Variants in PIK3C2G observed in about 807,000 individuals in gnomAD.
PIK3C2G encodes the protein phosphatidylinositol 3-kinase C2 domain-containing subunit gamma.
Under a neutral mutation model 181.1 loss-of-function variants are expected in PIK3C2G, and 168 were observed. The observed-to-expected ratio is 0.93, with a 90% CI of 0.82 to 1.05. The LOEUF is 1.05. Among genes scored for constraint, PIK3C2G ranks in the 50% least tolerant of loss-of-function variants. The pLI, the probability that PIK3C2G is intolerant of heterozygous loss-of-function variation, is 0.00. For synonymous variants in PIK3C2G, 573 were observed against 592.2 expected (o/e 0.97, Z 0.47); for missense variants, 1,869 against 1,732.8 (o/e 1.08, Z -1.40).
chr12:18,595,076 G>A (rs73068310), intron 30 of PIK3C2G, among the ~76,000 whole-genome samples: 5,246 of 151,822 alleles, frequency 0.035, 95 homozygotes, highest in Middle Eastern at 0.071. Flanking sequence ...TTAGATTATC[G>A]GCTACATATT....
At chr12:18,487,975 G>A (rs1940215943) in intron 18 of PIK3C2G, among the ~76,000 whole-genome samples, 4 of 152,116 alleles carry the variant, frequency 2.6e-5, no homozygotes, top group African/African-American at 9.7e-5. Flanking sequence ...AGGTAGTCCA[G>A]GGGAGGTGCT....
At chr12:18,269,635 CACAGTCAAATACTCATAAAA>C (rs1948659723) in intron 1 of PIK3C2G, among the ~76,000 whole-genome samples, 1 of 152,116 alleles carries the variant, frequency 6.6e-6, no homozygotes, top group African/African-American at 2.4e-5. Context: ...TACTTCCATT[CACAGTCAAATACTCATAAAA>C]ACAAGGGTAA....
At chr12:18,474,215 GAAGTT>G (rs1938744093) in intron 18 of PIK3C2G, among the ~76,000 whole-genome samples, 1 of 152,108 alleles carries the variant, frequency 6.6e-6, no homozygotes, top group Non-Finnish European at 1.5e-5. Flanking sequence ...GAGATTCAGA[GAAGTT>G]AAGTCAGGGG....
At chr12:18,459,148 G>C (rs779773088) in intron 18 of PIK3C2G, among the ~76,000 whole-genome samples, 1 of 152,110 alleles carries the variant, frequency 6.6e-6, no homozygotes, top group Non-Finnish European at 1.5e-5. Context: ...AAAGAAGCCC[G>C]AGGAAAGAGA....
At chr12:18,474,980 A>G (rs1938825432) in intron 18 of PIK3C2G, among the ~76,000 whole-genome samples, 3 of 152,126 alleles carry the variant, frequency 2.0e-5, no homozygotes. Context: ...AGAGACAGAG[A>G]AGAGTCTCAT....
chr12:18,572,665 T>TGTACC (rs1946018391), intron 29 of PIK3C2G, among the ~76,000 whole-genome samples: 1 of 151,938 alleles, frequency 6.6e-6, no homozygotes, highest in Non-Finnish European at 1.5e-5. Flanking sequence ...TGACTTCAAA[T>TGTACC]ATTGCTTGTA....
the PIK3C2G span, among the ~76,000 whole-genome samples, chr12:18,683,914 T>C: frequency 1.1e-4 from 16 of 151,992 alleles, no homozygotes; most frequent in African/African-American, 3.9e-4. Context: ...GCCAAGTTTG[T>C]CTAATTAGCC....
chr12:18,694,975 C>G, the PIK3C2G span: 5 of 1,608,696 alleles, frequency 3.1e-6, no homozygotes, highest in Non-Finnish European at 4.3e-6. Flanking sequence ...GATTTACTCT[C>G]TCTTAAGAAA....
chr12:18,406,834 G>A (rs964522578), intron 16 of PIK3C2G, among the ~76,000 whole-genome samples: 13 of 152,134 alleles, frequency 8.5e-5, no homozygotes, highest in African/African-American at 2.9e-4. Flanking sequence ...GGAAATTTCA[G>A]TATTCCCTAT....
intron 31 of PIK3C2G, among the ~76,000 whole-genome samples, chr12:18,625,803 T>A (rs2136692320): frequency 6.6e-6 from 1 of 152,028 alleles, no homozygotes; most frequent in South Asian, 2.1e-4. Flanking sequence ...GTTTTTTATT[T>A]AAAGTCTATT....
chr12:18,633,419 A>T (rs56084040), intron 31 of PIK3C2G, among the ~76,000 whole-genome samples: 5,521 of 152,294 alleles, frequency 0.036, 103 homozygotes, highest in Middle Eastern at 0.061. Context: ...CGTAGTTGGT[A>T]TTTATAACTA....
chr12:18,655,253 G>A, the PIK3C2G span, among the ~76,000 whole-genome samples: 1 of 152,154 alleles, frequency 6.6e-6, no homozygotes, highest in Non-Finnish European at 1.5e-5. Context: ...CCTGCTTCCA[G>A]TGGTCCTCCA....
chr12:18,636,004 A>G (rs1042011760), intron 31 of PIK3C2G, among the ~76,000 whole-genome samples: 1 of 152,186 alleles, frequency 6.6e-6, no homozygotes, highest in African/African-American at 2.4e-5. Flanking sequence ...AGTCCTTTGA[A>G]GTTTAGTCAG....
intron 6 of PIK3C2G, among the ~76,000 whole-genome samples, chr12:18,317,224 G>C (rs1316959008): frequency 6.6e-6 from 1 of 151,768 alleles, no homozygotes; most frequent in Non-Finnish European, 1.5e-5. Context: ...TGTTGGTTAG[G>C]CTGGTCTCAA....
chr12:18,602,347 C>T (rs776936312), intron 30 of PIK3C2G, among the ~76,000 whole-genome samples: 5 of 151,866 alleles, frequency 3.3e-5, no homozygotes, highest in African/African-American at 7.3e-5. Flanking sequence ...CGGGACCTCA[C>T]GCCCACCCCC....
the PIK3C2G span, among the ~76,000 whole-genome samples, chr12:18,667,966 CA>C: frequency 7.2e-5 from 11 of 151,872 alleles, no homozygotes; most frequent in African/African-American, 2.7e-4. Flanking sequence ...TGAGGAGAAG[CA>C]ACAACAACAA....
intron 26 of PIK3C2G, among the ~76,000 whole-genome samples, chr12:18,559,817 TATATAGAGAGAGAGAG>T (rs1438325448): frequency 3.6e-4 from 8 of 22,168 alleles, no homozygotes; most frequent in African/African-American, 4.8e-4. Context: ...TATATATATA[TATATAGAGAGAGAGAG>T]AGAGAGAGAG....
intron 30 of PIK3C2G, chr12:18,607,287 A>G: frequency 2.4e-6 from 1 of 418,826 alleles, no homozygotes; most frequent in Non-Finnish European, 4.7e-6. Context: ...AGAACTAAAC[A>G]TACGAATGAA....
At chr12:18,624,742 C>T (rs1310542706) in intron 31 of PIK3C2G, among the ~76,000 whole-genome samples, 3 of 151,484 alleles carry the variant, frequency 2.0e-5, no homozygotes, top group Non-Finnish European at 4.4e-5. Flanking sequence ...TTCAGATTTT[C>T]TATTTCTTCA....
Sources: gnomAD v4.1 joint callset for allele counts (sites outside exome capture counted in the v4.1 genomes callset) on GRCh38, gnomAD v4.1.1 for gene constraint, MANE v1.5 for transcripts, NCBI Gene and HGNC (gene_info 2026-07-23, HGNC 2026-07-21) for gene names.